Variants in ATF3 observed in about 807,000 individuals in gnomAD.
ATF3 encodes cyclic AMP-dependent transcription factor ATF-3.
In ATF3, 10 loss-of-function variants were observed where a neutral mutation model predicts 18.4. That is an observed-to-expected ratio of 0.54 (90% CI 0.34 to 0.92). The LOEUF is 0.92. Ranked by LOEUF, ATF3 falls within the 40% of genes least tolerant of loss-of-function variation. The probability of loss-of-function intolerance (pLI) is 0.02; values close to 1 mark genes in which losing one functional copy is unlikely to be tolerated. For missense variants in ATF3, 183 were observed against 222.3 expected, an observed-to-expected ratio of 0.82 and a Z score of 1.12; for synonymous variants, 78 against 87.9, an observed-to-expected ratio of 0.89 and a Z score of 0.63.
At chr1:212,581,335 T>C (rs1200704289) in intron 1 of ATF3, among the ~76,000 whole-genome samples, 2 of 152,186 alleles carry the variant, frequency 1.3e-5, no homozygotes, top group African/African-American at 4.8e-5. Flanking sequence ...CCTAGCCACA[T>C]TCCTAGTTTG....
At chr1:212,571,407 TTAC>T (rs939585972) in intron 1 of ATF3, among the ~76,000 whole-genome samples, 29 of 152,234 alleles carry the variant, frequency 1.9e-4, no homozygotes, top group African/African-American at 7.0e-4. Context: ...TTTATTATTA[TTAC>T]TATTATTATT....
In ATF3 at chr1:212,620,624, T is replaced by C. The variant is rs1655347508; in HGVS notation, c.*1069T>C. 1 of 152,680 alleles carries C rather than the reference T, an allele frequency of 6.5e-6. No homozygotes were observed. Among genetic ancestry groups the C allele is most frequent in the Non-Finnish European group, 1.5e-5 (1 of 68,042 alleles). The allele number at this position is 152,680 out of a possible 1,614,324, so 9.5% of individuals were successfully genotyped here. On this transcript the variant is annotated 3_prime_UTR_variant, in exon 4 of 4. Coordinates refer to ENST00000341491, the MANE Select transcript of ATF3 (RefSeq NM_001674.4). Reference sequence around the variant, plus strand: ...GGCCACAAGGACGCTGGCTACTGTCTATTAAAATTCTGATGTTTCTGTGAA... The same window carrying C: ...GGCCACAAGGACGCTGGCTACTGTCCATTAAAATTCTGATGTTTCTGTGAA...
chr1:212,584,623 A>G (rs1024355281), intron 1 of ATF3, among the ~76,000 whole-genome samples: 23 of 152,208 alleles, frequency 1.5e-4, no homozygotes, highest in African/African-American at 5.3e-4. Context: ...CCCTTGATCC[A>G]TCAGTTTAAA....
intron 1 of ATF3, among the ~76,000 whole-genome samples, chr1:212,571,634 T>C (rs1317978986): frequency 6.6e-6 from 1 of 152,020 alleles, no homozygotes; most frequent in Non-Finnish European, 1.5e-5. Flanking sequence ...GGTCTTGAAC[T>C]CCTGACCTCA....
Position 212,609,375 on chromosome 1 carries a change from T to TGG in ATF3, c.-5+457_-5+458dup, listed in dbSNP as rs1192833712. On this transcript the variant is annotated intron_variant, in intron 1 of 3. Coordinates refer to ENST00000341491, the MANE Select transcript of ATF3 (RefSeq NM_001674.4). ...ACTGTGGGAGCCGATCCTTCCCGGG[T>TGG]GGGGGGGGGGGGGCGCAGAGAGGCA... Among the ~76,000 whole-genome samples the TGG allele has an allele frequency of 5.1e-3, 343 of 67,218 alleles. 11 individuals carry two copies. Among genetic ancestry groups the TGG allele is most frequent in the South Asian group, 0.02 (34 of 1,666 alleles). The allele number at this position is 67,218 out of a possible 152,430, so 44.1% of individuals were successfully genotyped here. A position where few individuals can be genotyped will look rare whatever the true frequency, so the allele number is the denominator to read the frequency against.
chr1:212,590,706 T>G (rs1664868239), intron 1 of ATF3, among the ~76,000 whole-genome samples: 1 of 152,236 alleles, frequency 6.6e-6, no homozygotes, highest in African/African-American at 2.4e-5. Context: ...GCAACGGCCA[T>G]CTGTATTATT....
rs765234065 is a variant in ATF3 at position 212,620,655 on chromosome 1, CAG to C, written c.*1103_*1104del. 9.2e-5 allele frequency: 14 copies of C among 152,546 alleles called. No individual in the cohort carries two copies. The highest frequency in any genetic ancestry group is 1.9e-4 in the Non-Finnish European group (13 of 68,008). The allele number at this position is 152,546 out of a possible 1,614,324, so 9.4% of individuals were successfully genotyped here. On this transcript the variant is annotated 3_prime_UTR_variant, in exon 4 of 4. Coordinates refer to ENST00000341491, the MANE Select transcript of ATF3 (RefSeq NM_001674.4). ...AATTCTGATGTTTCTGTGAAATTCTCAGAGTGTTTAATTGTACTCAATGGTAT... is the reference window on the plus strand; with the variant it reads ...AATTCTGATGTTTCTGTGAAATTCTCAGTGTTTAATTGTACTCAATGGTAT...
At chr1:212,608,951 G>C (rs1030090062) in intron 1 of ATF3, 21 bp downstream of exon 1, 2 of 152,256 alleles carry the variant, frequency 1.3e-5, no homozygotes, top group African/African-American at 4.8e-5. Context: ...GAAGCCGAGG[G>C]AGTGAGCGCG....
chr1:212,612,177 T>C (rs1275487515), intron 1 of ATF3, among the ~76,000 whole-genome samples: 2 of 152,178 alleles, frequency 1.3e-5, no homozygotes, highest in African/African-American at 4.8e-5. Context: ...TTTTAACATT[T>C]TTACAACCAT....
intron 1 of ATF3, among the ~76,000 whole-genome samples, chr1:212,609,207 C>T (rs1654771039): frequency 6.6e-6 from 1 of 152,262 alleles, no homozygotes; most frequent in African/African-American, 2.4e-5. Flanking sequence ...CACTCTGCCG[C>T]CAGCCTCGAG....
At chr1:212,579,623 A>G (rs1006581659) in intron 1 of ATF3, among the ~76,000 whole-genome samples, 1 of 152,166 alleles carries the variant, frequency 6.6e-6, no homozygotes, top group Admixed American at 6.5e-5. Context: ...GCATTGGTGT[A>G]AGAGTTAAAA....
chr1:212,587,021 C>T (rs1018827362), intron 1 of ATF3, among the ~76,000 whole-genome samples: 1 of 152,116 alleles, frequency 6.6e-6, no homozygotes, highest in Non-Finnish European at 1.5e-5. Flanking sequence ...CTGTCTCTGA[C>T]GAATGAACAT....
chr1:212,604,385 G>A (rs916173803), upstream of ATF3, among the ~76,000 whole-genome samples: 3 of 152,180 alleles, frequency 2.0e-5, no homozygotes, highest in South Asian at 4.1e-4. Flanking sequence ...TGGCCCTGTA[G>A]ACCAAGGTAG....
chr1:212,590,735 C>T (rs945262748), intron 1 of ATF3, among the ~76,000 whole-genome samples: 19 of 152,180 alleles, frequency 1.2e-4, no homozygotes, highest in Admixed American at 1.2e-3. Flanking sequence ...AGAAATTGCA[C>T]ATTTCCCAGG....
At chr1:212,603,743 T>C (rs556857903) in intron 1 of ATF3, among the ~76,000 whole-genome samples, 1 of 150,266 alleles carries the variant, frequency 6.7e-6, no homozygotes, top group East Asian at 2.0e-4. Flanking sequence ...GAGTTCCTAA[T>C]GTGTTTGATT....
At chr1:212,584,989 G>A (rs370678879) in intron 1 of ATF3, among the ~76,000 whole-genome samples, 2 of 152,172 alleles carry the variant, frequency 1.3e-5, no homozygotes, top group African/African-American at 2.4e-5. Flanking sequence ...CCATTCTCCA[G>A]CCCTGTGATC....
chr1:212,590,972 C>T (rs544690516), intron 1 of ATF3, among the ~76,000 whole-genome samples: 8 of 152,328 alleles, frequency 5.3e-5, no homozygotes, highest in African/African-American at 1.9e-4. Context: ...AAGAACATGG[C>T]TCTTGGTAGC....
chr1:212,607,058 T>C (rs4310504), upstream of ATF3, among the ~76,000 whole-genome samples: 150,326 of 152,324 alleles, frequency 0.99, 74,183 homozygotes, highest in East Asian at 1. Context: ...CGCGTGGAAC[T>C]CCAGGGCTCC....
intron 1 of ATF3, among the ~76,000 whole-genome samples, chr1:212,579,241 A>T (rs1173866077): frequency 6.6e-6 from 1 of 151,686 alleles, no homozygotes; most frequent in Non-Finnish European, 1.5e-5. Flanking sequence ...CAAACTCCTG[A>T]CCTCAGGCAA....
Sources: allele counts gnomAD v4.1 joint callset (sites outside exome capture counted in the v4.1 genomes callset), GRCh38; gene constraint gnomAD v4.1.1; transcripts MANE v1.5; gene names NCBI Gene and HGNC (gene_info 2026-07-23, HGNC 2026-07-21).